The following EIF2AK4 variants were observed in gnomAD, a reference collection of about 807,000 sequenced individuals.
The protein encoded by EIF2AK4 is eukaryotic translation initiation factor 2 alpha kinase 4.
A neutral mutation model predicts 211.1 loss-of-function variants in EIF2AK4; 139 were observed. That is an observed-to-expected ratio of 0.66 (90% CI 0.57 to 0.76). EIF2AK4 has a LOEUF of 0.76. Ranked by LOEUF, EIF2AK4 falls within the 30% of genes least tolerant of loss-of-function variation. The pLI is 0.00. For missense variants in EIF2AK4, 1,664 were observed against 2,043.8 expected, an observed-to-expected ratio of 0.81 and a Z score of 3.58; for synonymous variants, 710 against 751.3, an observed-to-expected ratio of 0.94 and a Z score of 0.90.
chr15:39,947,029 G>C (rs1403218860), intron 3 of EIF2AK4: 1 of 183,294 alleles, frequency 5.5e-6, no homozygotes, highest in Non-Finnish European at 1.1e-5. Flanking sequence ...TTGCTTTACT[G>C]AAGTGGTCTG....
chr15:40,028,724 G>T (rs2035499233), intron 33 of EIF2AK4, among the ~76,000 whole-genome samples: 1 of 152,170 alleles, frequency 6.6e-6, no homozygotes. Context: ...GAAATCACCA[G>T]TATTGGAATT....
intron 20 of EIF2AK4, among the ~76,000 whole-genome samples, chr15:40,000,285 G>T (rs939520299): frequency 2.6e-5 from 4 of 152,130 alleles, no homozygotes; most frequent in Admixed American, 2.6e-4. Context: ...TGGTAGGGGG[G>T]CATATTTTAA....
rs777876710 is a variant in EIF2AK4 at position 39,955,752 on chromosome 15, T to G, written c.727T>G (p.Ser243Ala). The change falls in exon 6 of 39, where the codon TCC (serine) becomes GCC (alanine). Residue 243 changes from serine (S) to alanine (A), a missense_variant. Physicochemically the swap from Ser to Ala is moderately conservative, Grantham distance 99 (BLOSUM62 1). Transcript: ENST00000263791. ...FVGNGKHRAN[S>A]SGRSRRERQY... ...AGGAAATGGTAAACATCGGGCAAAC[T>G]CCTCAGGAAGGTCTAGGTAAGTCCC... The G allele has an allele frequency of 6.2e-7, 1 of 1,610,918 alleles. No homozygotes were observed. The highest frequency in any genetic ancestry group is 8.5e-7 in the Non-Finnish European group (1 of 1,179,108).
intron 19 of EIF2AK4, 34 bp downstream of exon 19, chr15:39,997,099 A>T (rs376991760): frequency 3.5e-6 from 5 of 1,416,736 alleles, no homozygotes; most frequent in Non-Finnish European, 5.0e-6. Context: ...CTACATTTTC[A>T]GTAACCGGAA....
At chr15:39,980,538 C>T (rs563884398) in intron 13 of EIF2AK4, among the ~76,000 whole-genome samples, 1 of 152,314 alleles carries the variant, frequency 6.6e-6, no homozygotes, top group South Asian at 2.1e-4. Context: ...GTTGCTAACA[C>T]AATAATAGGA....
Position 39,992,110 on chromosome 15 carries a change from G to C in EIF2AK4, c.2632-65G>C, listed in dbSNP as rs926355767. ...TTTCCTCAGTCTTCATTTAGAAACA[G>C]ACAAGCCATTCTCATGGAATAATAT... On this transcript the variant is annotated intron_variant, in intron 16 of 38. Transcript: ENST00000263791. The C allele has an allele frequency of 6.5e-6, 9 of 1,390,446 alleles. No homozygotes were observed. In the African/African-American group the frequency reaches 8.6e-5, roughly 13 times the overall value. 86.1% of individuals were successfully genotyped at this position (1,390,446 alleles called of 1,614,324 possible).
In EIF2AK4 at chr15:39,934,235, G is replaced by C. The variant is rs774742348; in HGVS notation, c.40G>C (p.Glu14Gln). 5.6e-6 allele frequency: 9 copies of C among 1,603,334 alleles called. No individual in the cohort carries two copies. The highest frequency in any genetic ancestry group is 4.3e-6 in the Non-Finnish European group (5 of 1,175,714). The change falls in exon 1 of 39, where the codon GAG becomes CAG. Residue 14 changes from glutamate to glutamine, a missense_variant. Glu to Gln is a conservative substitution (Grantham distance 29). Transcript: ENST00000263791. ...GRGAPGRGRD[E>Q]PPESYPQRQD... ...TGGGGCCCCCGGGCGCGGCCGGGACGAGCCTCCGGAGAGCTACCCGCAACG... is the reference window on the plus strand; with the variant it reads ...TGGGGCCCCCGGGCGCGGCCGGGACCAGCCTCCGGAGAGCTACCCGCAACG...
chr15:39,943,333 A>G (rs762666161), intron 2 of EIF2AK4, 50 bp from the exon 3 acceptor site: 16 of 1,408,456 alleles, frequency 1.1e-5, no homozygotes, highest in Middle Eastern at 4.3e-4. Flanking sequence ...CAAACAGGCT[A>G]TACTTTCTGG....
chr15:39,944,432 C>CTTTTTTTTTTTTTT (rs55669603), intron 3 of EIF2AK4, among the ~76,000 whole-genome samples: 1 of 121,162 alleles, frequency 8.3e-6, no homozygotes. Flanking sequence ...TTAACGATCT[C>CTTTTTTTTTTTTTT]TTTTTTTTTT....
At chr15:39,935,067 A>C (rs2034044304) in intron 1 of EIF2AK4, among the ~76,000 whole-genome samples, 1 of 152,144 alleles carries the variant, frequency 6.6e-6, no homozygotes, top group Admixed American at 6.5e-5. Flanking sequence ...TCGCAAAAAA[A>C]CCTCAATGTT....
chr15:40,001,289 C>T (rs374544993), intron 21 of EIF2AK4, 65 bp downstream of exon 21: 1 of 1,511,006 alleles, frequency 6.6e-7, no homozygotes. Flanking sequence ...AAGCCAGTTT[C>T]TCACAGATTC....
At chr15:40,020,689 A>G (rs1231476119) in intron 30 of EIF2AK4, 2 of 284,562 alleles carry the variant, frequency 7.0e-6, no homozygotes, top group Non-Finnish European at 1.3e-5. Flanking sequence ...ACTCTGTCTC[A>G]GAAAAAAAAA....
chr15:39,938,582 G>A (rs1270514378), intron 1 of EIF2AK4, among the ~76,000 whole-genome samples: 1 of 152,096 alleles, frequency 6.6e-6, no homozygotes, highest in East Asian at 1.9e-4. Context: ...TGCCTGCCAG[G>A]ACATTCAGAG....
chr15:39,984,558 G>A (rs1024826048), intron 13 of EIF2AK4, among the ~76,000 whole-genome samples: 1 of 152,098 alleles, frequency 6.6e-6, no homozygotes, highest in Admixed American at 6.5e-5. Flanking sequence ...TCCTTGAAGA[G>A]GTCCTTCACA....
At chr15:40,016,353 G>A (rs2035302427) in intron 27 of EIF2AK4, 149 bp from the exon 28 acceptor site, 1 of 944,800 alleles carries the variant, frequency 1.1e-6, no homozygotes, top group Admixed American at 2.8e-5. Context: ...TCCTTAGTCA[G>A]GATTGTGGCA....
In EIF2AK4 at chr15:39,976,702, C is replaced by A; in HGVS notation, c.2107C>A (p.Pro703Thr). The A allele has an allele frequency of 6.2e-7, 1 of 1,601,856 alleles. No homozygotes were observed. The change falls in exon 12 of 39, where the codon CCC becomes ACC. Residue 703 changes from proline to threonine, a missense_variant. Physicochemically the swap from Pro to Thr is conservative, Grantham distance 38. Around this residue, in one of 7 missense-constraint regions of EIF2AK4, gnomAD observed 206 missense variants for 201.9 expected, o/e 1.02. Coordinates refer to ENST00000263791, the MANE Select transcript of EIF2AK4 (RefSeq NM_001013703.4). Reference sequence around the variant, plus strand: ...CAGCGTAGAGGCCGCCGCGCCGCCACCCATCCTCAGCAGCTCGGTGGAGTG... The same window carrying A: ...CAGCGTAGAGGCCGCCGCGCCGCCAACCATCCTCAGCAGCTCGGTGGAGTG... ...LDSVEAAAPP[P>T]ILSSSVEWST...
chr15:40,013,517 C>T (rs115131778), intron 27 of EIF2AK4, among the ~76,000 whole-genome samples: 2,095 of 151,840 alleles, frequency 0.014, 50 homozygotes, highest in African/African-American at 0.048. Flanking sequence ...GAGCAAGTCA[C>T]GTCTTATATG....
intron 19 of EIF2AK4, among the ~76,000 whole-genome samples, chr15:39,997,637 A>T (rs2035034524): frequency 6.6e-6 from 1 of 152,244 alleles, no homozygotes; most frequent in African/African-American, 2.4e-5. Context: ...ACGTCTAAAG[A>T]AAACTACCAA....
intron 9 of EIF2AK4, among the ~76,000 whole-genome samples, chr15:39,971,431 G>A (rs953278618): frequency 1.3e-5 from 2 of 152,208 alleles, no homozygotes; most frequent in African/African-American, 4.8e-5. Flanking sequence ...GCCTGAAGCA[G>A]GAGAATCGCT....
Sources: gnomAD v4.1 joint callset for allele counts (sites outside exome capture counted in the v4.1 genomes callset) on GRCh38, gnomAD v4.1.1 for gene constraint, gnomAD v4.1.1 regional missense constraint, MANE v1.5 for transcripts, NCBI Gene and HGNC (gene_info 2026-07-23, HGNC 2026-07-21) for gene names.